Variants in SCUBE1 observed in about 807,000 individuals in gnomAD.
SCUBE1 encodes the protein signal peptide, CUB and EGF-like domain-containing protein 1.
In SCUBE1, 59 loss-of-function variants were observed where a neutral mutation model predicts 124.4. That is an observed-to-expected ratio of 0.47 (90% confidence interval 0.38 to 0.59). The LOEUF (loss-of-function observed/expected upper bound fraction) is 0.59, where lower values mean the gene tolerates loss of function less well. Ranked by LOEUF, SCUBE1 falls within the 20% of genes least tolerant of loss-of-function variation. SCUBE1 has a pLI of 0.00. For synonymous variants in SCUBE1, 545 were observed against 550.9 expected (o/e 0.99, Z 0.15); for missense variants, 1,150 against 1,371.2 (o/e 0.84, Z 2.55).
At chr22:43,249,309 T>G (rs1157882604) in intron 6 of SCUBE1, among the ~76,000 whole-genome samples, 41 of 51,058 alleles carry the variant, frequency 8.0e-4, no homozygotes, top group African/African-American at 1.1e-3. Flanking sequence ...ACGGGCGGGG[T>G]GGAGGGGAGC....
At chr22:43,273,093 C>A (rs1924354620) in intron 4 of SCUBE1, among the ~76,000 whole-genome samples, 1 of 152,268 alleles carries the variant, frequency 6.6e-6, no homozygotes, top group African/African-American at 2.4e-5. Flanking sequence ...CAGCTGTGTG[C>A]AGGCCCTGGG....
rs1202743893 is a variant in SCUBE1, at chr22:43,238,972, C to CA, written c.728-19dup. ...GCACGTCTCTGGGGAGGGAAAGAGA[C>CA]AGAGACCTCAGTTTCCTTGGACAGA... is the stretch of plus-strand genomic sequence containing the variant. On this transcript the variant is annotated intron_variant, in intron 6 of 21. Coordinates refer to ENST00000360835, the MANE Select transcript of SCUBE1 (RefSeq NM_173050.5). The CA allele has an allele frequency of 1.3e-6, 2 of 1,588,120 alleles. No individual in the cohort carries two copies. Among genetic ancestry groups the CA allele is most frequent in the African/African-American group, 1.3e-5 (1 of 74,492 alleles).
intron 4 of SCUBE1, among the ~76,000 whole-genome samples, chr22:43,271,572 G>A (rs765002609): frequency 1.3e-5 from 2 of 152,162 alleles, no homozygotes; most frequent in Non-Finnish European, 2.9e-5. Context: ...CCCCTGGAGT[G>A]GCACACTGAG....
At chr22:43,244,743 C>T (rs570007097) in intron 6 of SCUBE1, among the ~76,000 whole-genome samples, 28 of 152,354 alleles carry the variant, frequency 1.8e-4, no homozygotes, top group Admixed American at 9.1e-4. Context: ...GCCTGAACAT[C>T]GCTGAGGTGC....
intron 9 of SCUBE1, 30 bp from the exon 10 acceptor site, chr22:43,227,526 G>A (rs921827014): frequency 6.2e-7 from 1 of 1,600,382 alleles, no homozygotes; most frequent in Non-Finnish European, 8.5e-7. Context: ...AAGGGCAGAG[G>A]GGAGGCTGGC....
intron 17 of SCUBE1, among the ~76,000 whole-genome samples, chr22:43,212,195 G>A (rs1921590395): frequency 6.6e-6 from 1 of 151,866 alleles, no homozygotes; most frequent in African/African-American, 2.4e-5. Flanking sequence ...CCAGTGCTCC[G>A]AGGAGCTGCT....
intron 3 of SCUBE1, among the ~76,000 whole-genome samples, chr22:43,310,452 T>A (rs1312903065): frequency 6.6e-6 from 1 of 152,148 alleles, no homozygotes. Flanking sequence ...AAAGACCACA[T>A]AAAGAGGCTG....
chr22:43,286,158 C>T lies in SCUBE1; in HGVS notation c.484+4888G>A, dbSNP rs114827307. Among the ~76,000 whole-genome samples, 334 of 152,338 alleles carry T rather than the reference C, an allele frequency of 2.2e-3. 2 individuals carry two copies. The highest frequency in any genetic ancestry group is 7.8e-3 in the African/African-American group (326 of 41,570). On this transcript the variant is annotated intron_variant, in intron 4 of 21. Transcript: ENST00000360835. ...GTCACAAATCACATGAATAAGAGCC[C>T]GTGTTTATTGAAACTGTCTTTTCAA...
chr22:43,223,790 G>A (rs1922198266), intron 10 of SCUBE1, among the ~76,000 whole-genome samples: 1 of 152,210 alleles, frequency 6.6e-6, no homozygotes, highest in Admixed American at 6.5e-5. Context: ...GGTGACAACC[G>A]GCTTATGTGG....
intron 6 of SCUBE1, among the ~76,000 whole-genome samples, chr22:43,250,861 A>G (rs1923417327): frequency 6.6e-6 from 1 of 152,210 alleles, no homozygotes; most frequent in South Asian, 2.1e-4. Flanking sequence ...GGAACATCAC[A>G]GCCAGAAATG....
intron 5 of SCUBE1, among the ~76,000 whole-genome samples, chr22:43,259,663 C>T (rs962030968): frequency 6.6e-6 from 1 of 152,264 alleles, no homozygotes; most frequent in African/African-American, 2.4e-5. Flanking sequence ...CCACAGCGGG[C>T]GAGGAGGATG....
chr22:43,270,324 G>C (rs1407801165), intron 4 of SCUBE1: 1 of 152,212 alleles, frequency 6.6e-6, no homozygotes, highest in Non-Finnish European at 1.5e-5. Context: ...AACACTTCTG[G>C]TCCCAAGCAT....
intron 14 of SCUBE1, among the ~76,000 whole-genome samples, chr22:43,218,749 CCTTT>C (rs1260891375): frequency 1.4e-5 from 2 of 146,168 alleles, no homozygotes; most frequent in East Asian, 1.9e-4. Context: ...GGCAAGAACG[CCTTT>C]CTGTCACTCA....
In SCUBE1 at chr22:43,210,781, C is replaced by T. The variant is rs2146654350; in HGVS notation, c.2383+141G>A. The T allele has an allele frequency of 9.9e-7, 1 of 1,014,406 alleles. No homozygotes were observed. Among genetic ancestry groups the T allele is most frequent in the Non-Finnish European group, 1.5e-6 (1 of 686,272 alleles). The allele number at this position is 1,014,406 out of a possible 1,614,324, so 62.8% of individuals were successfully genotyped here. On this transcript the variant is annotated intron_variant, in intron 18 of 21. Transcript: ENST00000360835. The surrounding 1 kb of genome is among the most constrained non-coding windows in gnomAD (Gnocchi z 4.5). ...CACAGGCCTCCAGATGGATGCAATGCACCCGAGAGCAGACGGGACGGAGCG... is the reference window on the plus strand; with the variant it reads ...CACAGGCCTCCAGATGGATGCAATGTACCCGAGAGCAGACGGGACGGAGCG...
At chr22:43,232,228 T>TCAGGGAGGCCGCCTGGCCAG in intron 7 of SCUBE1, 1 of 216,196 alleles carries the variant, frequency 4.6e-6, no homozygotes, top group African/African-American at 2.2e-5. Context: ...TTCTGCAGGT[T>TCAGGGAGGCCGCCTGGCCAG]CAGGGAGGCC....
chr22:43,229,285 G>A (rs1051530334), intron 8 of SCUBE1, 97 bp from the exon 9 acceptor site: 11 of 865,146 alleles, frequency 1.3e-5, no homozygotes, highest in Non-Finnish European at 2.0e-5. Context: ...CACATCTGTG[G>A]ACACACAGTC....
At chr22:43,324,882 C>T (rs1250564642) in intron 2 of SCUBE1, among the ~76,000 whole-genome samples, 1 of 150,198 alleles carries the variant, frequency 6.7e-6, no homozygotes, top group Admixed American at 6.7e-5. Flanking sequence ...GTCCCAACCC[C>T]CAGGACCAGA....
intron 2 of SCUBE1, 138 bp from the exon 3 acceptor site, chr22:43,320,203 G>A (rs1422267870): frequency 1.9e-6 from 2 of 1,035,450 alleles, no homozygotes; most frequent in South Asian, 1.6e-5. Context: ...TGGGAGCTGA[G>A]GACTCAAGTA....
intron 9 of SCUBE1, 148 bp downstream of exon 9, chr22:43,228,924 C>A: frequency 1.6e-6 from 1 of 642,464 alleles, no homozygotes; most frequent in South Asian, 1.8e-5. Context: ...CTTGGCTGAG[C>A]CCCTCTGCCC....
Sources: allele counts gnomAD v4.1 joint callset (sites outside exome capture counted in the v4.1 genomes callset), GRCh38; gene constraint gnomAD v4.1.1; non-coding constraint Gnocchi (gnomAD v3.1); transcripts MANE v1.5; gene names NCBI Gene and HGNC (gene_info 2026-07-23, HGNC 2026-07-21).